Variants in LDLRAP1 observed in about 807,000 individuals in gnomAD.
The protein encoded by LDLRAP1 is low density lipoprotein receptor adaptor protein 1.
LDLRAP1 carries 30 observed loss-of-function variants against 37.8 expected under a neutral mutation model. The observed-to-expected ratio is 0.79, with a 90% CI of 0.59 to 1.08. LDLRAP1 has a LOEUF of 1.08. LDLRAP1 is among the 50% of genes least tolerant of loss of function. The pLI is 0.00. For synonymous variants in LDLRAP1, 156 were observed against 169.8 expected (o/e 0.92, Z 0.63); for missense variants, 375 against 401.6 (o/e 0.93, Z 0.57).
the LDLRAP1 span, among the ~76,000 whole-genome samples, chr1:25,583,357 T>C: frequency 6.6e-6 from 1 of 151,858 alleles, no homozygotes; most frequent in Non-Finnish European, 1.5e-5. Context: ...GCCTGGCTAA[T>C]TTTTTATACT....
chr1:25,588,670 C>T, the LDLRAP1 span, among the ~76,000 whole-genome samples: 1 of 152,190 alleles, frequency 6.6e-6, no homozygotes, highest in Non-Finnish European at 1.5e-5. Flanking sequence ...CAGAGGCCGG[C>T]GTGGATCCTC....
intron 8 of LDLRAP1, among the ~76,000 whole-genome samples, chr1:25,566,339 CCT>C (rs2044477398): frequency 6.6e-6 from 1 of 152,146 alleles, no homozygotes; most frequent in South Asian, 2.1e-4. Flanking sequence ...GTTAAAAGCT[CCT>C]CGTAAACACC....
At chr1:25,564,004 A>G (rs2044415273) in intron 7 of LDLRAP1, 4 of 639,182 alleles carry the variant, frequency 6.3e-6, no homozygotes, top group Non-Finnish European at 1.1e-5. Flanking sequence ...CTCCCAGCAC[A>G]GCTGTCTCCT....
rs551789761 is a variant in LDLRAP1, at chr1:25,554,148, C to T, written c.231+84C>T. On this transcript the variant is annotated intron_variant, in intron 2 of 8. Transcript: ENST00000374338. This position sits in a 1 kb window ranked among gnomAD's most constrained non-coding sequence, Gnocchi z 5.4. ...AGGGTGCCCTCGTCCCAGCTTGTTA[C>T]TCCAGTTGGGTGTGTCTGAGCCTGG... 7 of 1,541,964 alleles carry T rather than the reference C, an allele frequency of 4.5e-6. No homozygotes were observed. Among genetic ancestry groups the T allele is most frequent in the African/African-American group, 1.4e-5 (1 of 73,864 alleles).
intron 1 of LDLRAP1, among the ~76,000 whole-genome samples, chr1:25,545,274 G>C (rs1383062656): frequency 6.6e-6 from 1 of 152,210 alleles, no homozygotes; most frequent in African/African-American, 2.4e-5. Flanking sequence ...AAGGAAGGGG[G>C]GCTGGCAAGG....
Position 25,563,715 on chromosome 1 carries a change from C to G in LDLRAP1, c.671C>G (p.Ser224Cys). The G allele has an allele frequency of 6.2e-7, 1 of 1,613,984 alleles. No homozygotes were observed. The highest frequency in any genetic ancestry group is 1.7e-5 in the Admixed American group (1 of 60,036). Residue 224 changes from serine (S) to cysteine (C), a missense_variant, in exon 7 of 9, where the codon TCC becomes TGC. Ser to Cys is a moderately radical substitution (Grantham distance 112, BLOSUM62 -1). Transcript: ENST00000374338. ...DLEETAKAPL[S>C]TVSANTTNMD... ...GAGGAGACAGCTAAGGCCCCGCTGT[C>G]CACGGTCAGCGCCAACACCACCAAC...
At chr1:25,562,824 T>G in intron 5 of LDLRAP1, 108 bp downstream of exon 5, 1 of 1,033,456 alleles carries the variant, frequency 9.7e-7, no homozygotes, top group Non-Finnish European at 1.5e-6. Context: ...ACCTGGCTTG[T>G]GACTGTGAGC....
At chr1:25,557,369 C>A in intron 4 of LDLRAP1, 102 bp downstream of exon 4, 1 of 889,378 alleles carries the variant, frequency 1.1e-6, no homozygotes, top group Non-Finnish European at 1.8e-6. Flanking sequence ...CAAAGGTGAC[C>A]ATTACTTAAG....
chr1:25,549,904 A>C (rs1314696634), intron 1 of LDLRAP1: 1 of 152,428 alleles, frequency 6.6e-6, no homozygotes, highest in Non-Finnish European at 1.5e-5. Flanking sequence ...GCAGCTTCCT[A>C]GAGAGAAAGG....
At position 25,554,979 on chromosome 1, in the gene LDLRAP1, T is replaced by C. The variant is rs2044166191; in HGVS notation, c.344+7T>C. 10 of 1,607,566 alleles carry C rather than the reference T, an allele frequency of 6.2e-6. No homozygotes were observed. The highest frequency in any genetic ancestry group is 7.7e-6 in the Non-Finnish European group (9 of 1,174,172). ...AGAACGTGTCCATATACAGGTACGC[T>C]CAGCATGGGGTTGGCCCATCCACTC... On this transcript the variant is annotated splice_region_variant and intron_variant, in intron 3 of 8. Coordinates refer to ENST00000374338, the MANE Select transcript of LDLRAP1 (RefSeq NM_015627.3). This position sits in a 1 kb window ranked among gnomAD's most constrained non-coding sequence, Gnocchi z 5.4.
In LDLRAP1 at chr1:25,553,770, CAAAAAAAAA is replaced by C. The variant is rs34367689; in HGVS notation, c.89-141_89-133del. Reference sequence around the variant, plus strand: ...TGAGTGACAGAGTGAAACTCAGTCTCAAAAAAAAAAAAAAAAAAAGAGTGGCAGTAGTGG... The same window carrying C: ...TGAGTGACAGAGTGAAACTCAGTCTCAAAAAAAAAAGAGTGGCAGTAGTGG... On this transcript the variant is annotated intron_variant, in intron 1 of 8. Transcript: ENST00000374338. The C allele has an allele frequency of 1.8e-5, 11 of 601,998 alleles. No individual in the cohort carries two copies. In the African/African-American group the frequency reaches 2.0e-4, roughly 11 times the overall value. The allele number at this position is 601,998 out of a possible 1,614,324, so 37.3% of individuals were successfully genotyped here.
chr1:25,546,852 G>C (rs2043946164), intron 1 of LDLRAP1, among the ~76,000 whole-genome samples: 1 of 151,796 alleles, frequency 6.6e-6, no homozygotes, highest in Admixed American at 6.6e-5. Flanking sequence ...AAGCTCATCA[G>C]CTATCATTAG....
intron 7 of LDLRAP1, chr1:25,564,414 C>G (rs2044424481): frequency 6.1e-6 from 1 of 164,636 alleles, no homozygotes; most frequent in South Asian, 1.6e-4. Flanking sequence ...TTACACTGGT[C>G]AGAATCAGGA....
chr1:25,558,623 C>T (rs987417075), intron 4 of LDLRAP1, among the ~76,000 whole-genome samples: 3 of 152,084 alleles, frequency 2.0e-5, no homozygotes, highest in Admixed American at 6.5e-5. Flanking sequence ...CCTCATCTTC[C>T]GAGCCAGCAA....
chr1:25,566,960 G>T lies in LDLRAP1; in HGVS notation c.895G>T (p.Gly299Cys). The change falls in exon 9 of 9, where the codon GGC becomes TGC. Residue 299 changes from glycine (G) to cysteine (C), a missense_variant. By Grantham distance (159) the Gly-to-Cys change is radical. Transcript: ENST00000374338. ...PVDWDKPDSS[G>C]TEQDDLFSF ...CGACTGGGACAAGCCTGACAGCAGC[G>T]GCACAGAGCAGGATGACCTCTTCAG... is the stretch of plus-strand genomic sequence containing the variant. 1 of 1,613,532 alleles carries T rather than the reference G, an allele frequency of 6.2e-7. No individual in the cohort carries two copies. Among genetic ancestry groups the T allele is most frequent in the Non-Finnish European group, 8.5e-7 (1 of 1,180,020 alleles).
rs779135531 is a variant in LDLRAP1 at position 25,557,295 on chromosome 1, A to G, written c.459+28A>G. The G allele has an allele frequency of 3.8e-6, 6 of 1,567,076 alleles. No homozygotes were observed. In the Admixed American group the frequency reaches 6.7e-5, roughly 17 times the overall value. On this transcript the variant is annotated intron_variant, in intron 4 of 8. Transcript: ENST00000374338. ...CAGCGGGGAGGGCTGGGGCGGGGAC[A>G]GGGTCCAGTGGCCTTGGCAGCCTTG...
rs138647420 is a variant in LDLRAP1 at position 25,552,933 on chromosome 1, G to A, written c.89-989G>A. 2.0e-5 allele frequency among the ~76,000 whole-genome samples: 3 copies of A among 152,358 alleles called. No individual in the cohort carries two copies. The East Asian group carries it at 5.8e-4, about 29-fold the overall frequency. Reference sequence around the variant, plus strand: ...TGTCACAGCCCAGAGAGGGGGGAATGTTAGTCCCAAAGAGGAGAGGGGACT... The same window carrying A: ...TGTCACAGCCCAGAGAGGGGGGAATATTAGTCCCAAAGAGGAGAGGGGACT... On this transcript the variant is annotated intron_variant, in intron 1 of 8. Coordinates refer to ENST00000374338, the MANE Select transcript of LDLRAP1 (RefSeq NM_015627.3).
the LDLRAP1 span, among the ~76,000 whole-genome samples, chr1:25,587,360 C>T: frequency 2.0e-5 from 3 of 152,038 alleles, no homozygotes; most frequent in African/African-American, 7.2e-5. Flanking sequence ...TACCATGTTG[C>T]CCAGGGCTGG....
At chr1:25,558,060 T>G (rs1376680069) in intron 4 of LDLRAP1, among the ~76,000 whole-genome samples, 1 of 152,120 alleles carries the variant, frequency 6.6e-6, no homozygotes, top group African/African-American at 2.4e-5. Context: ...TTAGCTGGGA[T>G]GAGTGGGAAC....
Sources: gnomAD v4.1 joint callset for allele counts (sites outside exome capture counted in the v4.1 genomes callset) on GRCh38, gnomAD v4.1.1 for gene constraint, Gnocchi (gnomAD v3.1) non-coding constraint, MANE v1.5 for transcripts, NCBI Gene and HGNC (gene_info 2026-07-23, HGNC 2026-07-21) for gene names.